The following PHF24 variants were observed in gnomAD, a reference collection of about 807,000 sequenced individuals.
The protein encoded by PHF24 is PHD finger protein 24.
A neutral mutation model predicts 42.6 loss-of-function variants in PHF24; 25 were observed. The observed-to-expected ratio is 0.59, with a 90% CI of 0.43 to 0.82. The LOEUF (loss-of-function observed/expected upper bound fraction) is 0.82. Ranked by LOEUF, PHF24 falls within the 40% of genes least tolerant of loss-of-function variation. The probability of loss-of-function intolerance (pLI) is 0.00; values close to 1 mark genes in which losing one functional copy is unlikely to be tolerated. For missense variants in PHF24, 470 were observed against 538.1 expected (o/e 0.87, Z 1.25); for synonymous variants, 185 against 204.8 (o/e 0.90, Z 0.83).
At chr9:34,973,628 G>A (rs1355890387) in intron 3 of PHF24, among the ~76,000 whole-genome samples, 1 of 152,202 alleles carries the variant, frequency 6.6e-6, no homozygotes, top group Non-Finnish European at 1.5e-5. Context: ...TTAGACGAAA[G>A]CAGAGATGTG....
the PHF24 span, chr9:34,837,476 G>T: frequency 9.5e-5 from 54 of 569,690 alleles, no homozygotes; most frequent in African/African-American, 7.8e-4. Flanking sequence ...TGGGAATAAT[G>T]TAGAGAATTT....
chr9:34,954,269 T>C (rs532048102), upstream of PHF24, among the ~76,000 whole-genome samples: 18 of 152,356 alleles, frequency 1.2e-4, no homozygotes, highest in African/African-American at 1.9e-4. Flanking sequence ...CTGTCACTAA[T>C]GTACGTACCA....
At chr9:34,977,183 G>A (rs756354521) in exon 6 of PHF24, 29 of 1,613,638 alleles carry the variant, frequency 1.8e-5, no homozygotes, top group African/African-American at 5.3e-5. Flanking sequence ...GCAGAGTGCC[G>A]CCGGGCCCAG....
the PHF24 span, chr9:34,690,235 C>G: frequency 1.2e-6 from 2 of 1,614,148 alleles, no homozygotes; most frequent in Non-Finnish European, 1.7e-6. Flanking sequence ...CTGCAGCCAT[C>G]CTTGATGAGA....
chr9:34,691,827 C>A, the PHF24 span, among the ~76,000 whole-genome samples: 3 of 152,208 alleles, frequency 2.0e-5, no homozygotes, highest in African/African-American at 7.2e-5. Flanking sequence ...AGGCCCAGGA[C>A]CCCCATCCCA....
chr9:34,758,949 G>A, the PHF24 span, among the ~76,000 whole-genome samples: 22 of 152,074 alleles, frequency 1.4e-4, no homozygotes, highest in African/African-American at 4.6e-4. This position sits in a 1 kb window ranked among gnomAD's most constrained non-coding sequence, Gnocchi z 4.4. Context: ...GGGCTTCAGA[G>A]GCTGGGTGCC....
chr9:34,977,902 G>C, intron 7 of PHF24, 113 bp from the exon 8 acceptor site: 1 of 856,958 alleles, frequency 1.2e-6, no homozygotes, highest in East Asian at 2.4e-5. Context: ...CTGCCCCTGG[G>C]ATCAGGGCTC....
chr9:34,928,554 CT>C, the PHF24 span, among the ~76,000 whole-genome samples: 11 of 152,160 alleles, frequency 7.2e-5, no homozygotes, highest in African/African-American at 2.7e-4. Flanking sequence ...TCAGGCCAGT[CT>C]TTTTTTCATT....
At chr9:34,683,540 G>A in the PHF24 span, among the ~76,000 whole-genome samples, 3 of 152,118 alleles carry the variant, frequency 2.0e-5, no homozygotes, top group African/African-American at 4.8e-5. Context: ...CACGTGTCTG[G>A]GTGTAAACAC....
At chr9:34,682,298 C>T in the PHF24 span, among the ~76,000 whole-genome samples, 6 of 151,626 alleles carry the variant, frequency 4.0e-5, no homozygotes, top group African/African-American at 1.5e-4. Flanking sequence ...CACTTTTGAT[C>T]GTGGACTTCT....
At chr9:34,672,751 G>T in the PHF24 span, among the ~76,000 whole-genome samples, 1 of 152,034 alleles carries the variant, frequency 6.6e-6, no homozygotes, top group Non-Finnish European at 1.5e-5. Context: ...CTACTTAAAG[G>T]CCCCACCTTT....
At chr9:34,768,444 G>A in the PHF24 span, among the ~76,000 whole-genome samples, 47 of 152,120 alleles carry the variant, frequency 3.1e-4, no homozygotes, top group Non-Finnish European at 5.1e-4. Flanking sequence ...ACCTAGATTT[G>A]AATCTTACTT....
At chr9:34,717,584 C>A in the PHF24 span, among the ~76,000 whole-genome samples, 15 of 152,128 alleles carry the variant, frequency 9.9e-5, no homozygotes, top group Admixed American at 9.8e-4. Context: ...GAGCACACAG[C>A]CACATTGTTG....
chr9:34,923,713 T>C, the PHF24 span, among the ~76,000 whole-genome samples: 2 of 152,196 alleles, frequency 1.3e-5, no homozygotes, highest in East Asian at 3.8e-4. Flanking sequence ...TCCCTCTTTT[T>C]TCCTGGTTAG....
chr9:34,739,130 A>C, the PHF24 span, among the ~76,000 whole-genome samples: 1 of 152,164 alleles, frequency 6.6e-6, no homozygotes, highest in Non-Finnish European at 1.5e-5. Context: ...GATTTTCTAG[A>C]GAAGGAGTAA....
At chr9:34,750,509 A>C in the PHF24 span, among the ~76,000 whole-genome samples, 479 of 147,562 alleles carry the variant, frequency 3.2e-3, 4 homozygotes, top group African/African-American at 0.011. Flanking sequence ...TAAATAAATA[A>C]ATAAATAAAT....
At chr9:34,719,064 C>T in the PHF24 span, among the ~76,000 whole-genome samples, 1 of 152,166 alleles carries the variant, frequency 6.6e-6, no homozygotes, top group Non-Finnish European at 1.5e-5. Context: ...TGGAGTCTGC[C>T]TCTGTCACCC....
At chr9:34,667,558 T>C in the PHF24 span, among the ~76,000 whole-genome samples, 2 of 152,220 alleles carry the variant, frequency 1.3e-5, no homozygotes, top group African/African-American at 2.4e-5. Context: ...TGGTCCTTGG[T>C]TCCCCAGGCC....
chr9:34,698,943 G>A, the PHF24 span, among the ~76,000 whole-genome samples: 1 of 152,228 alleles, frequency 6.6e-6, no homozygotes, highest in Admixed American at 6.5e-5. Flanking sequence ...TAGTGTAGTG[G>A]AGTAAGGCCA....
Sources: allele counts gnomAD v4.1 joint callset (sites outside exome capture counted in the v4.1 genomes callset), GRCh38; gene constraint gnomAD v4.1.1; non-coding constraint Gnocchi (gnomAD v3.1); transcripts MANE v1.5; gene names NCBI Gene and HGNC (gene_info 2026-07-23, HGNC 2026-07-21).